Variants in SLC44A5 observed in about 807,000 individuals in gnomAD.
The protein encoded by SLC44A5 is solute carrier family 44 member 5.
SLC44A5 carries 57 observed loss-of-function variants against 101.8 expected under a neutral mutation model. The ratio of observed to expected loss-of-function variants is 0.56; its 90% CI spans 0.45 to 0.70. The LOEUF is 0.70. Among genes scored for constraint, SLC44A5 ranks in the 30% least tolerant of loss-of-function variants. The pLI is 0.00. For missense variants in SLC44A5, 737 were observed against 853.1 expected (o/e 0.86, Z 1.70); for synonymous variants, 281 against 290.9 (o/e 0.97, Z 0.35).
At chr1:75,573,553 A>T (rs1420735485) in intron 1 of SLC44A5, among the ~76,000 whole-genome samples, 1 of 152,212 alleles carries the variant, frequency 6.6e-6, no homozygotes. Context: ...AAATGAAAAT[A>T]TTCCTTAGAG....
intron 11 of SLC44A5, among the ~76,000 whole-genome samples, chr1:75,236,359 T>C (rs985384570): frequency 3.3e-5 from 5 of 152,002 alleles, no homozygotes; most frequent in African/African-American, 1.2e-4. Flanking sequence ...CTTAAATGGG[T>C]CACACATTTA....
Position 75,514,565 on chromosome 1 carries a change from T to A in SLC44A5, c.13+26870A>T, listed in dbSNP as rs190194606. 2.0e-4 allele frequency among the ~76,000 whole-genome samples: 30 copies of A among 152,324 alleles called. No individual in the cohort carries two copies. In the East Asian group the frequency reaches 5.8e-3, roughly 29 times the overall value. ...AGAATCTCTCTTTCACCAAAATAAA[T>A]TTTATTTGGAACACATTATTTGGTA... On this transcript the variant is annotated intron_variant, in intron 2 of 23. Coordinates refer to ENST00000370859, the MANE Select transcript of SLC44A5 (RefSeq NM_001130058.2).
intron 1 of SLC44A5, among the ~76,000 whole-genome samples, chr1:75,570,272 C>T (rs1481414718): frequency 6.6e-6 from 1 of 152,092 alleles, no homozygotes; most frequent in Admixed American, 6.5e-5. Context: ...CTACTACAAA[C>T]AATAACAGAA....
At chr1:75,369,573 G>A (rs2101160562) in intron 3 of SLC44A5, among the ~76,000 whole-genome samples, 1 of 152,130 alleles carries the variant, frequency 6.6e-6, no homozygotes, top group East Asian at 1.9e-4. Context: ...TTTTGATAGA[G>A]TATTATTATT....
Position 75,606,711 on chromosome 1 carries a change from T to C in SLC44A5, c.-70+4329A>G, listed in dbSNP as rs551085140. On this transcript the variant is annotated intron_variant, in intron 1 of 23. Coordinates refer to ENST00000370859, the MANE Select transcript of SLC44A5 (RefSeq NM_001130058.2). ...TGACTTTCATATTAATTAATTAAGGTCTTCAATGACTTTCATATTAATAAA... is the reference window on the plus strand; with the variant it reads ...TGACTTTCATATTAATTAATTAAGGCCTTCAATGACTTTCATATTAATAAA... Among the ~76,000 whole-genome samples the C allele has an allele frequency of 5.9e-5, 9 of 152,162 alleles. No individual in the cohort carries two copies. The East Asian group carries it at 1.7e-3, about 29-fold the overall frequency.
the SLC44A5 span, among the ~76,000 whole-genome samples, chr1:75,661,387 TAAAAAAAAAAAAAA>T: frequency 5.6e-5 from 3 of 53,600 alleles, no homozygotes; most frequent in African/African-American, 1.7e-4. Flanking sequence ...CTACTGCAAG[TAAAAAAAAAAAAAA>T]AAAAAAAAAA....
chr1:75,574,264 T>C lies in SLC44A5; in HGVS notation c.-69-32748A>G, dbSNP rs530137092. Reference sequence around the variant, plus strand: ...GTAGACTGCATTGCAGTAATATAGTTTTAAGAAAGCAATGTGGACAGAGAG... The same window carrying C: ...GTAGACTGCATTGCAGTAATATAGTCTTAAGAAAGCAATGTGGACAGAGAG... On this transcript the variant is annotated intron_variant, in intron 1 of 23. Transcript: ENST00000370859. 4.1e-4 allele frequency among the ~76,000 whole-genome samples: 63 copies of C among 152,256 alleles called. 1 individual carries two copies. The highest frequency in any genetic ancestry group is 6.8e-3 in the Middle Eastern group (2 of 294).
At chr1:75,223,478 A>C (rs1295870653) in intron 13 of SLC44A5, among the ~76,000 whole-genome samples, 1 of 152,228 alleles carries the variant, frequency 6.6e-6, no homozygotes, top group Non-Finnish European at 1.5e-5. Flanking sequence ...TAATAATTTT[A>C]AGATGCATCC....
intron 6 of SLC44A5, among the ~76,000 whole-genome samples, chr1:75,255,648 T>G (rs868554310): frequency 6.6e-6 from 1 of 152,206 alleles, no homozygotes; most frequent in African/African-American, 2.4e-5. Flanking sequence ...CCAGAGCTGA[T>G]GAGAGTCATA....
chr1:75,297,157 A>G (rs932575132), intron 5 of SLC44A5, among the ~76,000 whole-genome samples: 4 of 152,240 alleles, frequency 2.6e-5, no homozygotes, highest in Non-Finnish European at 4.4e-5. Flanking sequence ...CCCCTGGGAA[A>G]GGTTAAAAAA....
At chr1:75,251,893 T>G (rs1205707131) in intron 6 of SLC44A5, among the ~76,000 whole-genome samples, 1 of 152,128 alleles carries the variant, frequency 6.6e-6, no homozygotes, top group East Asian at 1.9e-4. Context: ...TAGCTTTGAG[T>G]GGTATATTAC....
chr1:75,320,448 T>A (rs561724221), intron 4 of SLC44A5, among the ~76,000 whole-genome samples: 1 of 152,128 alleles, frequency 6.6e-6, no homozygotes, highest in Non-Finnish European at 1.5e-5. Flanking sequence ...CAACACACCA[T>A]TTATTTGCAA....
At chr1:75,676,427 T>A in the SLC44A5 span, among the ~76,000 whole-genome samples, 1 of 152,146 alleles carries the variant, frequency 6.6e-6, no homozygotes, top group African/African-American at 2.4e-5. Flanking sequence ...CTGGAAGCCA[T>A]TATTCTCAGC....
At chr1:75,357,153 G>C (rs1659141227) in intron 3 of SLC44A5, 1 of 454,686 alleles carries the variant, frequency 2.2e-6, no homozygotes, top group African/African-American at 2.0e-5. Flanking sequence ...TATCTTACTT[G>C]CAGGAATTTA....
chr1:75,675,437 G>C, the SLC44A5 span, among the ~76,000 whole-genome samples: 1 of 152,108 alleles, frequency 6.6e-6, no homozygotes, highest in Non-Finnish European at 1.5e-5. Flanking sequence ...ATATAGGAAT[G>C]CTTAAGCTTT....
intron 1 of SLC44A5, among the ~76,000 whole-genome samples, chr1:75,576,312 T>C (rs1409533945): frequency 6.7e-6 from 1 of 149,608 alleles, no homozygotes; most frequent in Non-Finnish European, 1.5e-5. Context: ...AAATGTTCCT[T>C]TTTTTTTTTC....
chr1:75,226,192 C>G (rs1647190815), intron 13 of SLC44A5, among the ~76,000 whole-genome samples: 1 of 151,596 alleles, frequency 6.6e-6, no homozygotes, highest in Non-Finnish European at 1.5e-5. Context: ...TATTAGTCTG[C>G]ATGAGAGCTA....
intron 5 of SLC44A5, among the ~76,000 whole-genome samples, chr1:75,288,598 G>T (rs758635693): frequency 6.6e-6 from 1 of 152,050 alleles, no homozygotes; most frequent in Non-Finnish European, 1.5e-5. Flanking sequence ...ATACTGATTG[G>T]CAGTGCAGAG....
At chr1:75,341,023 G>C (rs80091822) in intron 3 of SLC44A5, among the ~76,000 whole-genome samples, 1 of 152,068 alleles carries the variant, frequency 6.6e-6, no homozygotes, top group East Asian at 1.9e-4. Flanking sequence ...AGTTCAAATT[G>C]GTTATATGTA....
Sources: gnomAD v4.1 joint callset for allele counts (sites outside exome capture counted in the v4.1 genomes callset) on GRCh38, gnomAD v4.1.1 for gene constraint, MANE v1.5 for transcripts, NCBI Gene and HGNC (gene_info 2026-07-23, HGNC 2026-07-21) for gene names.